Variants in GAB4 observed in about 807,000 individuals in gnomAD.
GAB4 encodes GRB2-associated-binding protein 4.
In GAB4, 26 loss-of-function variants were observed where a neutral mutation model predicts 51.3. That is an observed-to-expected ratio of 0.51 (90% CI 0.37 to 0.70). The LOEUF (loss-of-function observed/expected upper bound fraction) is 0.70, where lower values mean the gene tolerates loss of function less well. Among genes scored for constraint, GAB4 ranks in the 30% least tolerant of loss-of-function variants. GAB4 has a pLI of 0.00. For synonymous variants in GAB4, 329 were observed against 291.2 expected (o/e 1.13, Z -1.32); for missense variants, 759 against 734.6 (o/e 1.03, Z -0.38).
chr22:16,997,531 T>C (rs1229439539), intron 1 of GAB4, among the ~76,000 whole-genome samples: 1 of 152,254 alleles, frequency 6.6e-6, no homozygotes, highest in African/African-American at 2.4e-5. Context: ...TTGTAGATTC[T>C]GGATATTAGC....
intron 3 of GAB4, among the ~76,000 whole-genome samples, chr22:16,986,479 G>A (rs1271193302): frequency 6.6e-6 from 1 of 152,246 alleles, no homozygotes; most frequent in South Asian, 2.1e-4. Flanking sequence ...TGCACTTCAT[G>A]TGTGTTCTGC....
chr22:16,983,115 G>A (rs2060840182), intron 3 of GAB4, among the ~76,000 whole-genome samples: 1 of 152,102 alleles, frequency 6.6e-6, no homozygotes, highest in Non-Finnish European at 1.5e-5. Flanking sequence ...TGTTCCATAT[G>A]CTTCAAAGAA....
chr22:17,006,669 T>C (rs2061042228), intron 1 of GAB4, among the ~76,000 whole-genome samples: 1 of 152,204 alleles, frequency 6.6e-6, no homozygotes, highest in African/African-American at 2.4e-5. Context: ...TGGAATATTA[T>C]GCAGCCATAA....
At chr22:16,984,771 A>C (rs1196443738) in intron 3 of GAB4, among the ~76,000 whole-genome samples, 3 of 152,230 alleles carry the variant, frequency 2.0e-5, no homozygotes, top group Non-Finnish European at 2.9e-5. Flanking sequence ...CAAGGTGAGC[A>C]TAAGACTTGG....
intron 9 of GAB4, 93 bp downstream of exon 9, chr22:16,963,632 C>A: frequency 1.2e-6 from 1 of 839,972 alleles, no homozygotes; most frequent in South Asian, 1.5e-5. Context: ...GGCAGCCCAG[C>A]AGCCCAGTGC....
chr22:16,979,482 A>T (rs1338328222), intron 3 of GAB4, among the ~76,000 whole-genome samples: 4 of 152,154 alleles, frequency 2.6e-5, no homozygotes, highest in Non-Finnish European at 5.9e-5. Flanking sequence ...GACCTCTTCA[A>T]GGAGAACTAC....
rs533508482 is a variant in GAB4, at chr22:16,995,497, C to T, written c.175-3321G>A. Among the ~76,000 whole-genome samples the T allele has an allele frequency of 3.3e-4, 50 of 152,358 alleles. 1 individual carries two copies. In the South Asian group the frequency reaches 0.01, roughly 32 times the overall value. ...ACTGCCTCCTCAAGTGGGTCCCTGA[C>T]CCCTGTCCCTCCTGACTAGGAGACA... On this transcript the variant is annotated intron_variant, in intron 1 of 9. Coordinates refer to ENST00000400588, the MANE Select transcript of GAB4 (RefSeq NM_001037814.1).
At position 16,979,764 on chromosome 22, in the gene GAB4, A is replaced by G. The variant is rs145434009; in HGVS notation, c.686+8196T>C. 4.3e-3 allele frequency among the ~76,000 whole-genome samples: 655 copies of G among 152,330 alleles called. 5 individuals carry two copies. Among genetic ancestry groups the G allele is most frequent in the African/African-American group, 0.015 (626 of 41,576 alleles). ...GCATCATGCTACCTGACTTAAAACT[A>G]TACTATGAGGCTACAGGCACCAAAA... is the stretch of plus-strand genomic sequence containing the variant. On this transcript the variant is annotated intron_variant, in intron 3 of 9. Transcript: ENST00000400588.
chr22:17,003,825 G>A (rs770927953), intron 1 of GAB4, among the ~76,000 whole-genome samples: 1 of 152,070 alleles, frequency 6.6e-6, no homozygotes, highest in Non-Finnish European at 1.5e-5. Context: ...ACTAAGATCA[G>A]AGCAGAGCTA....
Position 16,970,162 on chromosome 22 carries a change from G to T in GAB4, c.718C>A (p.Pro240Thr). 3 of 1,614,118 alleles carry T rather than the reference G, an allele frequency of 1.9e-6. No individual in the cohort carries two copies. The highest frequency in any genetic ancestry group is 2.5e-6 in the Non-Finnish European group (3 of 1,180,020). Residue 240 changes from proline to threonine, a missense_variant, in exon 4 of 10, where the codon CCA becomes ACA. Coordinates refer to ENST00000400588, the MANE Select transcript of GAB4 (RefSeq NM_001037814.1). ...GCTGTGTTTCTCCTCATGATGAATG[G>T]GGCCTCAGAACCCTGGGAGAAGCTG... ...SASFSQGSEA[P>T]FIMRRNTAMQ...
chr22:16,989,403 C>A (rs1195857432), intron 2 of GAB4, among the ~76,000 whole-genome samples: 2 of 152,224 alleles, frequency 1.3e-5, no homozygotes, highest in African/African-American at 4.8e-5. Context: ...AGGCAGGAAC[C>A]CCAGCTGGCT....
chr22:16,990,940 G>A (rs1207914770), intron 2 of GAB4, among the ~76,000 whole-genome samples: 1 of 152,062 alleles, frequency 6.6e-6, no homozygotes, highest in Non-Finnish European at 1.5e-5. Context: ...AAGTTCCCAG[G>A]TGATGCTGAT....
chr22:17,005,129 A>T (rs182167470), intron 1 of GAB4, among the ~76,000 whole-genome samples: 11 of 152,358 alleles, frequency 7.2e-5, no homozygotes, highest in African/African-American at 2.2e-4. Flanking sequence ...AAACTCCTGA[A>T]GCTGGTAAGC....
intron 2 of GAB4, among the ~76,000 whole-genome samples, chr22:16,991,577 TG>T (rs779905519): frequency 6.6e-6 from 1 of 152,258 alleles, no homozygotes; most frequent in East Asian, 1.9e-4. Context: ...CCAGGTGGTC[TG>T]AAGTAGGGCC....
At chr22:16,969,232 T>A (rs962747556) in intron 4 of GAB4, among the ~76,000 whole-genome samples, 9 of 152,250 alleles carry the variant, frequency 5.9e-5, no homozygotes, top group Admixed American at 3.9e-4. Flanking sequence ...GTTTCAACAG[T>A]CTGTTAGTCC....
Position 16,992,115 on chromosome 22 carries a change from A to G in GAB4, c.236T>C (p.Leu79Pro). 1.2e-6 allele frequency: 2 copies of G among 1,614,228 alleles called. No homozygotes were observed. The highest frequency in any genetic ancestry group is 1.7e-6 in the Non-Finnish European group (2 of 1,180,036). Residue 79 changes from leucine to proline, a missense_variant, in exon 2 of 10, where the codon CTG (leucine) becomes CCG (proline). Leu to Pro is a moderately conservative substitution (Grantham distance 98). Coordinates refer to ENST00000400588, the MANE Select transcript of GAB4 (RefSeq NM_001037814.1). The stretch of plus-strand genomic sequence containing the variant: ...GGAGCCATCATTCTTGTAGTATTCC[A>G]GAACATCTGGGTCACTGCTAGTCTG... ...RGQTSSDPDVLEYYKNDGSKK... is the reference protein window; with the variant it reads ...RGQTSSDPDVPEYYKNDGSKK...
chr22:16,991,020 T>C (rs368914438), intron 2 of GAB4, among the ~76,000 whole-genome samples: 2 of 152,212 alleles, frequency 1.3e-5, no homozygotes, highest in South Asian at 4.1e-4. Flanking sequence ...GAATATAAAA[T>C]AGAGACTATC....
Position 17,008,097 on chromosome 22 carries a change from G to C in GAB4, c.18C>G (p.Pro6=), listed in dbSNP as rs1375832429. Residue 6 remains proline (P), a synonymous_variant, in exon 1 of 10, where the codon CCC becomes CCG. Transcript: ENST00000400588. ...GTGGGCACAGCTCCCGGGAGGGTGA[G>C]GGGGACGGCAGGGACATGGGGGCTG... The part of the protein sequence containing the change: MSLPS[P]SPSRELCPPD... The C allele has an allele frequency of 1.9e-6, 3 of 1,606,382 alleles. No homozygotes were observed. The East Asian group carries it at 6.7e-5, about 36-fold the overall frequency.
intron 1 of GAB4, among the ~76,000 whole-genome samples, chr22:16,997,646 T>C (rs1186902306): frequency 6.6e-6 from 1 of 152,226 alleles, no homozygotes; most frequent in African/African-American, 2.4e-5. Context: ...TTAGTTTAAT[T>C]AGATCCCATT....
Sources: gnomAD v4.1 joint callset for allele counts (sites outside exome capture counted in the v4.1 genomes callset) on GRCh38, gnomAD v4.1.1 for gene constraint, MANE v1.5 for transcripts, NCBI Gene and HGNC (gene_info 2026-07-23, HGNC 2026-07-21) for gene names.